The following CNBD2 variants were observed in gnomAD, a reference collection of about 807,000 sequenced individuals.
CNBD2 encodes cyclic nucleotide-binding domain-containing protein 2.
A neutral mutation model predicts 63.7 loss-of-function variants in CNBD2; 64 were observed. The ratio of observed to expected loss-of-function variants is 1.00; its 90% confidence interval spans 0.82 to 1.24. The LOEUF is 1.24. Ranked by LOEUF, CNBD2 falls within the 50% of genes most tolerant of loss-of-function variation. CNBD2 has a pLI of 0.00. For synonymous variants in CNBD2, 229 were observed against 255.4 expected (o/e 0.90, Z 0.99); for missense variants, 691 against 713.5 (o/e 0.97, Z 0.36).
rs1376457817 is a variant in CNBD2, at chr20:35,987,536, G to A, written c.855+3G>A. On this transcript the variant is annotated splice_donor_region_variant and intron_variant, in intron 7 of 11. Coordinates refer to ENST00000373973, the MANE Select transcript of CNBD2 (RefSeq NM_001365709.1). ...CCTTCATCATGTTTATCAGCAAGGT[G>A]AAAAGTCTGGGGGTTGGGATGAGGG... 6.2e-7 allele frequency: 1 copy of A among 1,614,112 alleles called. No individual in the cohort carries two copies. The highest frequency in any genetic ancestry group is 1.7e-5 in the Admixed American group (1 of 60,018).
At chr20:35,978,536 G>A (rs559451405) in intron 3 of CNBD2, among the ~76,000 whole-genome samples, 1 of 152,194 alleles carries the variant, frequency 6.6e-6, no homozygotes, top group African/African-American at 2.4e-5. Flanking sequence ...AGTAGAGACG[G>A]GGTTTCACCG....
At chr20:36,014,946 T>G (rs1249474089) in intron 10 of CNBD2, among the ~76,000 whole-genome samples, 1 of 152,192 alleles carries the variant, frequency 6.6e-6, no homozygotes, top group Non-Finnish European at 1.5e-5. Flanking sequence ...CATACTGTTT[T>G]TCATGATGGC....
At chr20:35,958,031 C>T (rs1267629616), downstream of CNBD2, among the ~76,000 whole-genome samples, 2 of 152,216 alleles carry the variant, frequency 1.3e-5, no homozygotes, top group South Asian at 2.1e-4. Flanking sequence ...TTTCAGAGAC[C>T]TCAGTGCCTT....
intron 2 of CNBD2, among the ~76,000 whole-genome samples, chr20:35,960,491 C>T (rs1168566315): frequency 1.3e-5 from 2 of 152,206 alleles, no homozygotes; most frequent in African/African-American, 4.8e-5. Context: ...AGGCGCGTAC[C>T]GCCATGCCCC....
intron 7 of CNBD2, among the ~76,000 whole-genome samples, chr20:35,990,429 G>A (rs1364013330): frequency 2.0e-5 from 3 of 152,136 alleles, no homozygotes; most frequent in East Asian, 1.9e-4. Context: ...TCAGGAGTTC[G>A]AGACTAGCCT....
At chr20:35,984,914 AC>A in intron 6 of CNBD2, 136 bp downstream of exon 6, 1 of 798,948 alleles carries the variant, frequency 1.3e-6, no homozygotes, top group Non-Finnish European at 2.1e-6. Flanking sequence ...CCCACCTCGT[AC>A]CCACCTTCTC....
At position 35,972,718 on chromosome 20, in the gene CNBD2, AATC is replaced by A; in HGVS notation, c.144_146del (p.Ile49del). 6.2e-7 allele frequency: 1 copy of A among 1,614,142 alleles called. No individual in the cohort carries two copies. The highest frequency in any genetic ancestry group is 2.2e-5 in the East Asian group (1 of 44,884). ...GCCTCAGGGGATTCCGGGAATATCA[AATC>A]ATTGAGACTGCTCACTGGAAGCACC... On this transcript the variant is annotated inframe_deletion, in exon 2 of 12. Coordinates refer to ENST00000373973, the MANE Select transcript of CNBD2 (RefSeq NM_001365709.1).
At chr20:35,959,984 A>G (rs2056293677), downstream of CNBD2, among the ~76,000 whole-genome samples, 1 of 152,218 alleles carries the variant, frequency 6.6e-6, no homozygotes, top group Non-Finnish European at 1.5e-5. Context: ...ATAATCATAT[A>G]TTGCTTAAAG....
At chr20:35,972,958 C>T in intron 2 of CNBD2, 192 bp downstream of exon 2, 1 of 608,910 alleles carries the variant, frequency 1.6e-6, no homozygotes, top group South Asian at 2.1e-5. Flanking sequence ...AAGAGGTTTA[C>T]CTAATACTGA....
chr20:36,016,498 A>G lies in CNBD2; in HGVS notation c.1269+5241A>G, dbSNP rs755127657. 5.4e-4 allele frequency among the ~76,000 whole-genome samples: 82 copies of G among 152,154 alleles called. 2 individuals carry two copies. The highest frequency in any genetic ancestry group is 1.7e-3 in the Admixed American group (26 of 15,270). On this transcript the variant is annotated intron_variant, in intron 10 of 11. Coordinates refer to ENST00000373973, the MANE Select transcript of CNBD2 (RefSeq NM_001365709.1). The stretch of plus-strand genomic sequence containing the variant: ...TAAATCTAAAACTGTTTTAGAAAAT[A>G]AGACCACCAGGCCGGGCACAGTGGT...
At chr20:36,002,784 TA>T (rs1023314541) in intron 8 of CNBD2, among the ~76,000 whole-genome samples, 3 of 152,148 alleles carry the variant, frequency 2.0e-5, no homozygotes, top group African/African-American at 7.2e-5. Context: ...CCTGGGTTTG[TA>T]TTTTTAAAAT....
chr20:36,013,110 G>A (rs1267020236), intron 10 of CNBD2, among the ~76,000 whole-genome samples: 1 of 150,900 alleles, frequency 6.6e-6, no homozygotes, highest in African/African-American at 2.5e-5. Context: ...CTTAATGTAT[G>A]CAATTTGTTA....
At chr20:36,002,671 T>C (rs557474159) in intron 8 of CNBD2, among the ~76,000 whole-genome samples, 2 of 152,202 alleles carry the variant, frequency 1.3e-5, no homozygotes, top group African/African-American at 4.8e-5. Flanking sequence ...TTTGGCTGAT[T>C]TTGAATTTTT....
At chr20:35,975,002 T>A (rs7272920) in intron 2 of CNBD2, 14,874 of 149,794 alleles carry the variant, frequency 0.099, 786 homozygotes, top group South Asian at 0.2. Context: ...TTTTTATTTT[T>A]TTTTATTTTT....
chr20:36,020,362 T>C (rs1180796545), intron 10 of CNBD2, among the ~76,000 whole-genome samples: 2 of 152,208 alleles, frequency 1.3e-5, no homozygotes. Flanking sequence ...ATTACAGGCA[T>C]GAGCCACTGC....
At chr20:35,977,793 A>C (rs1218666036) in intron 3 of CNBD2, among the ~76,000 whole-genome samples, 1 of 152,132 alleles carries the variant, frequency 6.6e-6, no homozygotes, top group Non-Finnish European at 1.5e-5. Flanking sequence ...TTGTTGTACA[A>C]CTCTGTGAAT....
chr20:35,977,059 C>T (rs2056530747), intron 3 of CNBD2, among the ~76,000 whole-genome samples: 1 of 152,202 alleles, frequency 6.6e-6, no homozygotes. Context: ...TTCAGGCTGG[C>T]TAGTGTGTGA....
intron 1 of CNBD2, 150 bp from the exon 2 acceptor site, chr20:35,972,479 T>C: frequency 4.2e-6 from 3 of 709,596 alleles, no homozygotes; most frequent in Non-Finnish European, 6.9e-6. Flanking sequence ...GCTTGCAAAA[T>C]TCCTGAAAAT....
At chr20:36,023,542 A>G in intron 10 of CNBD2, 60 bp from the exon 11 acceptor site, 3 of 1,368,842 alleles carry the variant, frequency 2.2e-6, no homozygotes, top group East Asian at 2.6e-5. Flanking sequence ...AAAAAGAATG[A>G]AAATCTGCGG....
Sources: gnomAD v4.1 joint callset for allele counts (sites outside exome capture counted in the v4.1 genomes callset) on GRCh38, gnomAD v4.1.1 for gene constraint, MANE v1.5 for transcripts, NCBI Gene and HGNC (gene_info 2026-07-23, HGNC 2026-07-21) for gene names.